Variants in FA2H observed in about 807,000 individuals in gnomAD.
FA2H encodes fatty acid 2-hydroxylase, also known as fatty acid alpha-hydroxylase.
A neutral mutation model predicts 44.9 loss-of-function variants in FA2H; 22 were observed. The observed-to-expected ratio is 0.49, with a 90% CI of 0.35 to 0.70. The LOEUF (loss-of-function observed/expected upper bound fraction) is 0.70, where lower values mean the gene tolerates loss of function less well. FA2H is among the 30% of genes least tolerant of loss of function. The pLI, the probability that FA2H is intolerant of heterozygous loss-of-function variation, is 0.01. For missense variants in FA2H, 501 were observed against 504.9 expected (o/e 0.99, Z 0.07); for synonymous variants, 243 against 213.2 (o/e 1.14, Z -1.22).
chr16:74,727,295 G>T lies in FA2H; in HGVS notation c.455C>A (p.Pro152His). ...DEWVHQPVTRPIRLFHSDLIE... is the reference protein window; with the variant it reads ...DEWVHQPVTRHIRLFHSDLIE... ...GAGGTCTGAGTGGAAGAGGCGGATG[G>T]GCCTGGTCACCGGCTGGTGAACCCA... Residue 152 changes from proline (P) to histidine (H), a missense_variant, in exon 3 of 7, where the codon CCC (proline) becomes CAC (histidine). By Grantham distance (77) the Pro-to-His change is moderately conservative (BLOSUM62 -2). Transcript: ENST00000219368. 1 of 1,614,174 alleles carries T rather than the reference G, an allele frequency of 6.2e-7. No individual in the cohort carries two copies. The highest frequency in any genetic ancestry group is 8.5e-7 in the Non-Finnish European group (1 of 1,180,014).
In FA2H at chr16:74,716,488, C is replaced by T. The variant is rs199908318; in HGVS notation, c.898G>A (p.Val300Met). The change falls in exon 6 of 7, where the codon GTG becomes ATG. Residue 300 changes from valine to methionine, a missense_variant. By Grantham distance (21) the Val-to-Met change is conservative (BLOSUM62 1). Coordinates refer to ENST00000219368, the MANE Select transcript of FA2H (RefSeq NM_024306.5). ...LILPEAVGGT[V>M]FAGGLLGYVL... ...TAGCCCAGGAGGCCCCCCGCAAACACAGTGCCCCCTACTGCCTCGGGCAGG... is the reference window on the plus strand; with the variant it reads ...TAGCCCAGGAGGCCCCCCGCAAACATAGTGCCCCCTACTGCCTCGGGCAGG... 1.2e-6 allele frequency: 2 copies of T among 1,613,908 alleles called. No homozygotes were observed. The highest frequency in any genetic ancestry group is 1.6e-4 in the Middle Eastern group (1 of 6,062).
At chr16:74,758,982 G>T (rs1373511706) in intron 1 of FA2H, among the ~76,000 whole-genome samples, 4 of 152,178 alleles carry the variant, frequency 2.6e-5, no homozygotes, top group Non-Finnish European at 5.9e-5. Flanking sequence ...ATGGCTGCCT[G>T]GCTCTGCACT....
intron 4 of FA2H, among the ~76,000 whole-genome samples, chr16:74,725,690 C>G (rs765227390): frequency 6.6e-6 from 1 of 152,190 alleles, no homozygotes; most frequent in South Asian, 2.1e-4. Flanking sequence ...CACGTGGCCC[C>G]GCACATGGCA....
intron 1 of FA2H, among the ~76,000 whole-genome samples, chr16:74,740,365 C>T (rs1038569123): frequency 1.1e-4 from 16 of 152,054 alleles, no homozygotes. Flanking sequence ...ACCTGTAATC[C>T]CAGCACTTTG....
At chr16:74,718,438 G>A (rs1486811166) in intron 5 of FA2H, among the ~76,000 whole-genome samples, 1 of 152,170 alleles carries the variant, frequency 6.6e-6, no homozygotes, top group Non-Finnish European at 1.5e-5. Context: ...CTGTCGTGGA[G>A]TCCTTGAAGG....
intron 2 of FA2H, among the ~76,000 whole-genome samples, chr16:74,732,399 G>A (rs2144623912): frequency 6.6e-6 from 1 of 152,142 alleles, no homozygotes; most frequent in African/African-American, 2.4e-5. Context: ...TTTATTTTGT[G>A]AAGCAAGTAG....
chr16:74,742,187 A>C (rs567639891), intron 1 of FA2H, among the ~76,000 whole-genome samples: 1 of 152,114 alleles, frequency 6.6e-6, no homozygotes, highest in Non-Finnish European at 1.5e-5. Flanking sequence ...CAAGCAGCCA[A>C]CGTCTTCCAA....
chr16:74,743,777 TG>T (rs1408500764), intron 1 of FA2H, among the ~76,000 whole-genome samples: 1 of 152,182 alleles, frequency 6.6e-6, no homozygotes, highest in Non-Finnish European at 1.5e-5. Flanking sequence ...GGTGCTTTCC[TG>T]GGTGGCTTCA....
intron 1 of FA2H, among the ~76,000 whole-genome samples, chr16:74,754,020 T>C (rs1452483726): frequency 1.3e-5 from 2 of 152,248 alleles, no homozygotes; most frequent in Admixed American, 6.5e-5. Flanking sequence ...GAGTCATTTT[T>C]CTTCAATAGA....
chr16:74,720,053 CCCA>C (rs1258541646), intron 4 of FA2H, among the ~76,000 whole-genome samples: 13 of 152,104 alleles, frequency 8.5e-5, no homozygotes, highest in Non-Finnish European at 5.9e-5. Flanking sequence ...GCACATGCTT[CCCA>C]CCACCCTCCG....
intron 1 of FA2H, among the ~76,000 whole-genome samples, chr16:74,747,885 A>C (rs1962455265): frequency 6.6e-6 from 1 of 152,136 alleles, no homozygotes; most frequent in East Asian, 1.9e-4. Context: ...GAATCAGCTA[A>C]TCAGTTTCAT....
chr16:74,757,625 T>C (rs979033931), intron 1 of FA2H, among the ~76,000 whole-genome samples: 2 of 152,176 alleles, frequency 1.3e-5, no homozygotes, highest in South Asian at 2.1e-4. Flanking sequence ...ATTGCTGATA[T>C]GGAAAGAGGT....
chr16:74,727,537 G>T, intron 2 of FA2H, 151 bp from the exon 3 acceptor site: 1 of 846,744 alleles, frequency 1.2e-6, no homozygotes, highest in Non-Finnish European at 1.9e-6. Flanking sequence ...CAGTGATCAA[G>T]AACTGACCAA....
chr16:74,746,432 C>A (rs543631751), intron 1 of FA2H, among the ~76,000 whole-genome samples: 1 of 151,156 alleles, frequency 6.6e-6, no homozygotes, highest in African/African-American at 2.4e-5. Context: ...TTAGTCTCAA[C>A]CTCCTAGCCT....
intron 1 of FA2H, among the ~76,000 whole-genome samples, chr16:74,753,341 G>A (rs1036463263): frequency 1.3e-5 from 2 of 152,170 alleles, no homozygotes; most frequent in Non-Finnish European, 2.9e-5. Flanking sequence ...CAACTGCTCC[G>A]CACCAAACGC....
At chr16:74,753,416 G>A (rs757455542) in intron 1 of FA2H, among the ~76,000 whole-genome samples, 4 of 152,172 alleles carry the variant, frequency 2.6e-5, no homozygotes, top group African/African-American at 4.8e-5. Context: ...GCAGGGCGAG[G>A]TGGCTCATGC....
intron 1 of FA2H, among the ~76,000 whole-genome samples, chr16:74,767,669 G>C (rs1384401598): frequency 6.6e-6 from 1 of 152,186 alleles, no homozygotes; most frequent in Non-Finnish European, 1.5e-5. Flanking sequence ...GCAGCCTCCA[G>C]TAGCTGGAAA....
intron 4 of FA2H, among the ~76,000 whole-genome samples, chr16:74,724,755 A>G (rs2870145): frequency 0.87 from 132,403 of 152,138 alleles, 57,997 homozygotes; most frequent in African/African-American, 0.97. Context: ...GCTCTCTGCC[A>G]AGGCCGTGTG....
intron 1 of FA2H, among the ~76,000 whole-genome samples, chr16:74,744,372 T>C (rs562271818): frequency 1.2e-3 from 179 of 151,808 alleles, no homozygotes; most frequent in Non-Finnish European, 2.3e-3. Context: ...TTAAACACTT[T>C]AAAAACCAAA....
Sources: allele counts gnomAD v4.1 joint callset (sites outside exome capture counted in the v4.1 genomes callset), GRCh38; gene constraint gnomAD v4.1.1; transcripts MANE v1.5; gene names NCBI Gene and HGNC (gene_info 2026-07-23, HGNC 2026-07-21).